The following PPP1R37 variants were observed in gnomAD, a reference collection of about 807,000 sequenced individuals.
PPP1R37 encodes the protein protein phosphatase 1 regulatory subunit 37.
A neutral mutation model predicts 61.0 loss-of-function variants in PPP1R37; 21 were observed. That is an observed-to-expected ratio of 0.34 (90% CI 0.24 to 0.50). The LOEUF (loss-of-function observed/expected upper bound fraction) is 0.50, where lower values mean the gene tolerates loss of function less well. Among genes scored for constraint, PPP1R37 ranks in the 20% least tolerant of loss-of-function variants. The probability of loss-of-function intolerance (pLI) is 0.98; values close to 1 mark genes in which losing one functional copy is unlikely to be tolerated. For missense variants in PPP1R37, 910 were observed against 952.7 expected, an observed-to-expected ratio of 0.96 and a Z score of 0.59; for synonymous variants, 443 against 433.5, an observed-to-expected ratio of 1.02 and a Z score of -0.27.
At position 45,094,594 on chromosome 19, in the gene PPP1R37, G is replaced by C. The variant is rs766184487; in HGVS notation, c.202+1067G>C. On this transcript the variant is annotated intron_variant, in intron 1 of 12. Coordinates refer to ENST00000221462, the MANE Select transcript of PPP1R37 (RefSeq NM_019121.2). ...ATACAGAAATTGGCCGGGCATAGTG[G>C]TGCACACCTGTAATCCCATCTACTC... Among the ~76,000 whole-genome samples, 13 of 152,304 alleles carry C rather than the reference G, an allele frequency of 8.5e-5. No homozygotes were observed. The East Asian group carries it at 2.3e-3, about 27-fold the overall frequency.
In PPP1R37 at chr19:45,145,586, C is replaced by A. The variant is rs537873249; in HGVS notation, c.1530C>A (p.Asp510Glu). Residue 510 changes from aspartate (D) to glutamate (E), a missense_variant, in exon 11 of 13, where the codon GAC (aspartate) becomes GAA (glutamate). Asp to Glu is a conservative substitution (Grantham distance 45). Coordinates refer to ENST00000221462, the MANE Select transcript of PPP1R37 (RefSeq NM_019121.2). Reference sequence around the variant, plus strand: ...GCCCGGACTCAGACTCAGACTCGGACTCGGATGGGGAGGAAGAGGAGGAAG... The same window carrying A: ...GCCCGGACTCAGACTCAGACTCGGAATCGGATGGGGAGGAAGAGGAGGAAG... The part of the protein sequence containing the change: ...APSPDSDSDS[D>E]SDGEEEEEEE... The A allele has an allele frequency of 1.2e-4, 177 of 1,535,944 alleles. No homozygotes were observed. In the African/African-American group the frequency reaches 2.2e-3, roughly 19 times the overall value.
intron 1 of PPP1R37, among the ~76,000 whole-genome samples, chr19:45,114,776 C>A (rs1197329291): frequency 6.6e-6 from 1 of 151,876 alleles, no homozygotes; most frequent in Non-Finnish European, 1.5e-5. Flanking sequence ...TGAGACCCCC[C>A]CCCCCATCTC....
At position 45,145,339 on chromosome 19, in the gene PPP1R37, C is replaced by G; in HGVS notation, c.1297-14C>G. Reference sequence around the variant, plus strand: ...GGCCGGCCTGAGAGCCCTAGCCAGGCGCTCCCGCCACAGGTGAAGAGCTTC... The same window carrying G: ...GGCCGGCCTGAGAGCCCTAGCCAGGGGCTCCCGCCACAGGTGAAGAGCTTC... On this transcript the variant is annotated splice_polypyrimidine_tract_variant and intron_variant, in intron 10 of 12. Transcript: ENST00000221462. 2.6e-6 allele frequency: 4 copies of G among 1,529,712 alleles called. No individual in the cohort carries two copies. Among genetic ancestry groups the G allele is most frequent in the Non-Finnish European group, 3.5e-6 (4 of 1,143,498 alleles). The allele number at this position is 1,529,712 out of a possible 1,614,324, so 94.8% of individuals were successfully genotyped here. A position where few individuals can be genotyped will look rare whatever the true frequency, so the allele number is the denominator to read the frequency against.
intron 1 of PPP1R37, among the ~76,000 whole-genome samples, chr19:45,101,797 A>C (rs1968067096): frequency 6.6e-6 from 1 of 152,182 alleles, no homozygotes; most frequent in African/African-American, 2.4e-5. Flanking sequence ...AGACTGAGAC[A>C]GGGAGGCCAG....
intron 11 of PPP1R37, 114 bp from the exon 12 acceptor site, chr19:45,146,276 T>G: frequency 9.7e-7 from 1 of 1,029,720 alleles, no homozygotes; most frequent in Non-Finnish European, 1.4e-6. Context: ...CCTGACCATC[T>G]CAGCGGTCTC....
rs767680958 is a variant in PPP1R37, at chr19:45,130,374, C to A, written c.203-8140C>A. ...TCTCCTGCAGAATGAGAGCGAAGTC[C>A]TCACCAGGGTCCACGGGGTCACCGT... On this transcript the variant is annotated intron_variant, in intron 1 of 12. Coordinates refer to ENST00000221462, the MANE Select transcript of PPP1R37 (RefSeq NM_019121.2). This position sits in a 1 kb window ranked among gnomAD's most constrained non-coding sequence, Gnocchi z 4.4. 6.6e-5 allele frequency among the ~76,000 whole-genome samples: 10 copies of A among 152,176 alleles called. No individual in the cohort carries two copies. The highest frequency in any genetic ancestry group is 1.3e-4 in the Non-Finnish European group (9 of 68,026).
In PPP1R37 at chr19:45,109,604, G is replaced by A. The variant is rs76271385; in HGVS notation, c.202+16077G>A. 5.0e-3 allele frequency among the ~76,000 whole-genome samples: 767 copies of A among 152,318 alleles called. 5 individuals carry two copies. The highest frequency in any genetic ancestry group is 8.4e-3 in the Non-Finnish European group (572 of 68,022). ...TTGGGGTCATTGGTCACTTGCTGAA[G>A]ATGGCAGAAGCCAGGGCAGCCCTGC... On this transcript the variant is annotated intron_variant, in intron 1 of 12. Transcript: ENST00000221462.
At chr19:45,095,592 G>A (rs948863539) in intron 1 of PPP1R37, among the ~76,000 whole-genome samples, 2 of 151,902 alleles carry the variant, frequency 1.3e-5, no homozygotes, top group African/African-American at 4.8e-5. Context: ...GTGAAACCGC[G>A]TCTCTGCAAA....
intron 8 of PPP1R37, chr19:45,144,396 C>CCA (rs1284050401): frequency 6.3e-6 from 1 of 157,638 alleles, no homozygotes; most frequent in African/African-American, 2.4e-5. Context: ...TGATCCCCCC[C>CCA]ACCTCGGCCT....
At chr19:45,126,505 G>C (rs552167605) in intron 1 of PPP1R37, among the ~76,000 whole-genome samples, 1 of 152,190 alleles carries the variant, frequency 6.6e-6, no homozygotes, top group South Asian at 2.1e-4. Context: ...CTGCCATGTT[G>C]GTGGTTATTT....
intron 1 of PPP1R37, among the ~76,000 whole-genome samples, chr19:45,124,926 G>A (rs1968384139): frequency 6.6e-6 from 1 of 152,054 alleles, no homozygotes; most frequent in African/African-American, 2.4e-5. Flanking sequence ...AGCTATGATT[G>A]AGCCGCTGAA....
intron 1 of PPP1R37, among the ~76,000 whole-genome samples, chr19:45,104,056 T>G (rs1968098302): frequency 6.6e-6 from 1 of 151,312 alleles, no homozygotes; most frequent in South Asian, 2.1e-4. Context: ...TCCTGACCAA[T>G]TCCCGTTACC....
chr19:45,135,387 C>A (rs908976558), intron 1 of PPP1R37, among the ~76,000 whole-genome samples: 2 of 152,252 alleles, frequency 1.3e-5, no homozygotes, highest in Non-Finnish European at 2.9e-5. Context: ...CAGCTTGATC[C>A]TGGACCCTGG....
intron 1 of PPP1R37, among the ~76,000 whole-genome samples, chr19:45,097,523 T>C (rs1292905366): frequency 6.6e-6 from 1 of 151,690 alleles, no homozygotes; most frequent in Non-Finnish European, 1.5e-5. Context: ...GTGGGGGGTG[T>C]CTACCTGAGG....
chr19:45,118,624 G>A (rs1040086282), intron 1 of PPP1R37, among the ~76,000 whole-genome samples: 2 of 152,218 alleles, frequency 1.3e-5, no homozygotes, highest in Non-Finnish European at 2.9e-5. Flanking sequence ...CCTGCCGAAC[G>A]TTGGGACACC....
intron 8 of PPP1R37, 128 bp from the exon 9 acceptor site, chr19:45,144,726 C>A: frequency 1.3e-6 from 1 of 775,826 alleles, no homozygotes. Flanking sequence ...CGCCGGTGTT[C>A]ACGCAGGCGC....
At chr19:45,095,365 G>A (rs1967979051) in intron 1 of PPP1R37, among the ~76,000 whole-genome samples, 2 of 148,694 alleles carry the variant, frequency 1.3e-5, no homozygotes, top group South Asian at 4.2e-4. Context: ...TCGAACTCCC[G>A]ACCTCAGGTG....
chr19:45,108,077 T>C (rs1248116574), intron 1 of PPP1R37, among the ~76,000 whole-genome samples: 2 of 152,172 alleles, frequency 1.3e-5, no homozygotes, highest in African/African-American at 4.8e-5. Context: ...GGAAGGAACA[T>C]TGGAAGTCTC....
rs556689770 is a variant in PPP1R37, at chr19:45,126,501, T to C, written c.203-12013T>C. Among the ~76,000 whole-genome samples the C allele has an allele frequency of 7.9e-5, 12 of 152,288 alleles. No individual in the cohort carries two copies. In the South Asian group the frequency reaches 2.5e-3, roughly 32 times the overall value. ...GCTGTGGGGAAATGGGGCTCTGCCA[T>C]GTTGGTGGTTATTTATTGTCGTGAA... is the stretch of plus-strand genomic sequence containing the variant. On this transcript the variant is annotated intron_variant, in intron 1 of 12. Transcript: ENST00000221462.
Sources: gnomAD v4.1 joint callset for allele counts (sites outside exome capture counted in the v4.1 genomes callset) on GRCh38, gnomAD v4.1.1 for gene constraint, Gnocchi (gnomAD v3.1) non-coding constraint, MANE v1.5 for transcripts, NCBI Gene and HGNC (gene_info 2026-07-23, HGNC 2026-07-21) for gene names.